The following CRYBA4 variants were observed in gnomAD, a reference collection of about 807,000 sequenced individuals.
CRYBA4 encodes the protein beta-crystallin A4.
In CRYBA4, 30 loss-of-function variants were observed where a neutral mutation model predicts 31.7. The observed-to-expected ratio is 0.95, with a 90% confidence interval of 0.71 to 1.28. The LOEUF (loss-of-function observed/expected upper bound fraction) is 1.28, where lower values mean the gene tolerates loss of function less well. Among genes scored for constraint, CRYBA4 ranks in the 50% most tolerant of loss-of-function variants. CRYBA4 has a pLI of 0.00. For missense variants in CRYBA4, 225 were observed against 260.7 expected (o/e 0.86, Z 0.94); for synonymous variants, 102 against 102.3 (o/e 1.00, Z 0.02).
the CRYBA4 span, among the ~76,000 whole-genome samples, chr22:26,591,004 A>G: frequency 6.6e-6 from 1 of 152,210 alleles, no homozygotes; most frequent in African/African-American, 2.4e-5. Flanking sequence ...ATGCAGGCTT[A>G]CTTTTCATTG....
chr22:26,594,875 G>T, the CRYBA4 span, among the ~76,000 whole-genome samples: 1 of 152,188 alleles, frequency 6.6e-6, no homozygotes, highest in African/African-American at 2.4e-5. Flanking sequence ...GATTTCTGGG[G>T]TTGAGCACCT....
the CRYBA4 span, chr22:26,599,260 C>G: frequency 3.5e-6 from 2 of 567,734 alleles, no homozygotes; most frequent in East Asian, 5.8e-5. Flanking sequence ...TTGGTAGACT[C>G]ACATAACAGG....
chr22:26,596,169 C>T, the CRYBA4 span, among the ~76,000 whole-genome samples: 1 of 152,122 alleles, frequency 6.6e-6, no homozygotes, highest in Non-Finnish European at 1.5e-5. Flanking sequence ...GGCACGATCT[C>T]ACTGCAACCT....
chr22:26,601,803 A>G, the CRYBA4 span: 3 of 1,604,892 alleles, frequency 1.9e-6, no homozygotes. Context: ...TGATGTTATA[A>G]CCTGTAAGGG....
At chr22:26,614,951 C>T in the CRYBA4 span, among the ~76,000 whole-genome samples, 2 of 152,006 alleles carry the variant, frequency 1.3e-5, no homozygotes, top group Non-Finnish European at 2.9e-5. Flanking sequence ...GAGGATAGGA[C>T]AGTATTTCCT....
chr22:26,625,393 A>T lies in CRYBA4; in HGVS notation c.159-88A>T, dbSNP rs986286440. 41 of 1,479,582 alleles carry T rather than the reference A, an allele frequency of 2.8e-5. 1 individual carries two copies. The Middle Eastern group carries it at 7.1e-4, about 26-fold the overall frequency. 91.7% of individuals were successfully genotyped at this position (1,479,582 alleles called of 1,614,324 possible). A position where few individuals can be genotyped will look rare whatever the true frequency, so the allele number is the denominator to read the frequency against. On this transcript the variant is annotated intron_variant, in intron 3 of 5. Transcript: ENST00000354760. ...GCACAGTCACCCCTGAATGGTTGTGACTGTGACCGTTCTAGACCCAATTGC... is the reference window on the plus strand; with the variant it reads ...GCACAGTCACCCCTGAATGGTTGTGTCTGTGACCGTTCTAGACCCAATTGC...
chr22:26,594,372 A>G, the CRYBA4 span, among the ~76,000 whole-genome samples: 138 of 152,122 alleles, frequency 9.1e-4, 1 homozygote, highest in East Asian at 0.022. Context: ...TCCTGCCTCC[A>G]CCCCACATAT....
the CRYBA4 span, among the ~76,000 whole-genome samples, chr22:26,609,475 T>A: frequency 6.8e-3 from 1,030 of 152,112 alleles, 5 homozygotes; most frequent in Non-Finnish European, 0.011. Context: ...GATGAATGGA[T>A]GCATGGATAA....
the CRYBA4 span, among the ~76,000 whole-genome samples, chr22:26,598,325 C>G: frequency 6.6e-6 from 1 of 152,160 alleles, no homozygotes; most frequent in East Asian, 1.9e-4. Flanking sequence ...CTGCTTCCTT[C>G]CTTCCTTTCT....
At chr22:26,609,443 T>A in the CRYBA4 span, among the ~76,000 whole-genome samples, 1 of 151,754 alleles carries the variant, frequency 6.6e-6, no homozygotes, top group Non-Finnish European at 1.5e-5. Context: ...AATAGATGGA[T>A]AGGTGGATGG....
chr22:26,601,705 A>G, the CRYBA4 span, among the ~76,000 whole-genome samples: 1 of 150,134 alleles, frequency 6.7e-6, no homozygotes, highest in East Asian at 2.0e-4. Flanking sequence ...GTGTGACTCT[A>G]TTCCCCAGAG....
the CRYBA4 span, among the ~76,000 whole-genome samples, chr22:26,608,886 C>A: frequency 2.0e-5 from 3 of 151,980 alleles, no homozygotes; most frequent in African/African-American, 7.2e-5. Flanking sequence ...TATGAAGATG[C>A]TAGGTTCCTT....
chr22:26,596,140 G>A, the CRYBA4 span, among the ~76,000 whole-genome samples: 7 of 152,122 alleles, frequency 4.6e-5, no homozygotes, highest in African/African-American at 7.2e-5. Flanking sequence ...TTGTTCTGTC[G>A]CCCAAGCTGA....
upstream of CRYBA4, among the ~76,000 whole-genome samples, chr22:26,621,766 G>C (rs560854791): frequency 6.6e-6 from 1 of 152,148 alleles, no homozygotes; most frequent in African/African-American, 2.4e-5. Flanking sequence ...CTCCTTCTTC[G>C]TGGCTGATCC....
At chr22:26,622,732 C>A in intron 2 of CRYBA4, 97 bp downstream of exon 2, 1 of 921,720 alleles carries the variant, frequency 1.1e-6, no homozygotes, top group Non-Finnish European at 1.8e-6. Flanking sequence ...GCCTATTTCA[C>A]AGAGGTGCAA....
chr22:26,628,466 G>A (rs774884384), intron 5 of CRYBA4, 36 bp downstream of exon 5: 2 of 1,611,930 alleles, frequency 1.2e-6, no homozygotes, highest in East Asian at 4.5e-5. Context: ...GCAGGGGAGG[G>A]GCTACTGGGA....
At chr22:26,605,683 A>G in the CRYBA4 span, among the ~76,000 whole-genome samples, 6 of 151,222 alleles carry the variant, frequency 4.0e-5, no homozygotes, top group African/African-American at 1.5e-4. Flanking sequence ...AAAAAAAAAA[A>G]AAAAAAAAAG....
At chr22:26,593,959 G>A in the CRYBA4 span, among the ~76,000 whole-genome samples, 1 of 152,226 alleles carries the variant, frequency 6.6e-6, no homozygotes. Context: ...TGTGGAAACA[G>A]AGGCTCCAGC....
the CRYBA4 span, among the ~76,000 whole-genome samples, chr22:26,605,565 T>C: frequency 6.7e-6 from 1 of 149,714 alleles, no homozygotes; most frequent in Non-Finnish European, 1.5e-5. Flanking sequence ...TCCCAGCTAC[T>C]TGGGAGGCTG....
Sources: gnomAD v4.1 joint callset for allele counts (sites outside exome capture counted in the v4.1 genomes callset) on GRCh38, gnomAD v4.1.1 for gene constraint, MANE v1.5 for transcripts, NCBI Gene and HGNC (gene_info 2026-07-23, HGNC 2026-07-21) for gene names.